The following GLIS3 variants were observed in gnomAD, a reference collection of about 807,000 sequenced individuals.
GLIS3 encodes zinc finger protein GLIS3.
In GLIS3, 53 loss-of-function variants were observed where a neutral mutation model predicts 78.6. The ratio of observed to expected loss-of-function variants is 0.67; its 90% confidence interval spans 0.54 to 0.85. GLIS3 has a LOEUF of 0.85. GLIS3 is among the 40% of genes least tolerant of loss of function. GLIS3 has a pLI of 0.00. For synonymous variants in GLIS3, 684 were observed against 509.9 expected (o/e 1.34, Z -4.60); for missense variants, 1,703 against 1,231.1 (o/e 1.38, Z -5.74).
At chr9:3,962,734 G>A (rs568066253) in intron 4 of GLIS3, among the ~76,000 whole-genome samples, 23 of 152,232 alleles carry the variant, frequency 1.5e-4, no homozygotes, top group South Asian at 4.2e-4. Flanking sequence ...AATTTCATGG[G>A]AGTCACAGAT....
chr9:3,927,780 A>G (rs1022948797), intron 6 of GLIS3, among the ~76,000 whole-genome samples: 5 of 152,368 alleles, frequency 3.3e-5, no homozygotes, highest in African/African-American at 1.2e-4. Context: ...TGCTCTGGAA[A>G]GCATAGCTGG....
chr9:4,110,317 G>C (rs546192669), intron 4 of GLIS3, among the ~76,000 whole-genome samples: 1 of 152,246 alleles, frequency 6.6e-6, no homozygotes, highest in South Asian at 2.1e-4. Flanking sequence ...TAATTGTAGA[G>C]CATTAGGGTA....
the GLIS3 span, among the ~76,000 whole-genome samples, chr9:4,401,737 G>T: frequency 6.6e-6 from 1 of 151,514 alleles, no homozygotes; most frequent in Non-Finnish European, 1.5e-5. Context: ...GACTACAGGT[G>T]CATGCTACCA....
At chr9:4,198,876 C>T (rs188357215) in intron 2 of GLIS3, among the ~76,000 whole-genome samples, 1 of 152,176 alleles carries the variant, frequency 6.6e-6, no homozygotes, top group African/African-American at 2.4e-5. Flanking sequence ...CAGCAGAAAC[C>T]TTATAAGCCA....
chr9:4,243,310 G>C (rs114188158), intron 2 of GLIS3, among the ~76,000 whole-genome samples: 1,586 of 152,204 alleles, frequency 0.01, 27 homozygotes, highest in African/African-American at 0.036. Flanking sequence ...TGAGGTGAGA[G>C]GGTATCAAAA....
chr9:3,858,383 C>T (rs972946401), intron 8 of GLIS3, among the ~76,000 whole-genome samples: 2 of 152,102 alleles, frequency 1.3e-5, no homozygotes, highest in African/African-American at 2.4e-5. Context: ...GGGCCATGCT[C>T]TCTTGACTAC....
intron 2 of GLIS3, among the ~76,000 whole-genome samples, chr9:4,189,306 T>G (rs1295997628): frequency 3.3e-5 from 5 of 152,150 alleles, no homozygotes; most frequent in Non-Finnish European, 7.3e-5. Flanking sequence ...AGCTGAGCGG[T>G]TTTGAGTGAG....
intron 2 of GLIS3, among the ~76,000 whole-genome samples, chr9:4,208,461 G>C (rs1425894495): frequency 1.3e-5 from 2 of 152,192 alleles, no homozygotes; most frequent in Admixed American, 6.5e-5. Context: ...AGAATATAAA[G>C]TCATGCTAAG....
At chr9:4,185,023 G>C (rs1817656708) in intron 2 of GLIS3, among the ~76,000 whole-genome samples, 1 of 152,178 alleles carries the variant, frequency 6.6e-6, no homozygotes, top group South Asian at 2.1e-4. Flanking sequence ...AACTTATCAA[G>C]TTGTATAACT....
chr9:3,995,787 TGAA>T (rs758622669), intron 4 of GLIS3, among the ~76,000 whole-genome samples: 1 of 151,960 alleles, frequency 6.6e-6, no homozygotes, highest in Non-Finnish European at 1.5e-5. Flanking sequence ...GAAAAAAATA[TGAA>T]GGACAGTTTA....
intron 6 of GLIS3, among the ~76,000 whole-genome samples, chr9:3,900,311 C>G (rs1050600187): frequency 6.7e-6 from 1 of 149,580 alleles, no homozygotes; most frequent in Non-Finnish European, 1.5e-5. Context: ...TAAAAAAAAA[C>G]AGTAATGAAG....
At chr9:4,092,627 T>A (rs1829617941) in intron 4 of GLIS3, among the ~76,000 whole-genome samples, 1 of 152,176 alleles carries the variant, frequency 6.6e-6, no homozygotes, top group African/African-American at 2.4e-5. Flanking sequence ...TCAATATCAC[T>A]GTCTTCCACC....
chr9:4,207,966 T>C (rs1820030964), intron 2 of GLIS3, among the ~76,000 whole-genome samples: 1 of 152,162 alleles, frequency 6.6e-6, no homozygotes. Flanking sequence ...GGAACCACGT[T>C]GGGGGTAGCG....
chr9:4,143,353 G>A (rs1402876105), intron 2 of GLIS3, among the ~76,000 whole-genome samples: 1 of 151,960 alleles, frequency 6.6e-6, no homozygotes, highest in Non-Finnish European at 1.5e-5. Flanking sequence ...GATCACCCGA[G>A]GTCAGGAGTT....
intron 4 of GLIS3, among the ~76,000 whole-genome samples, chr9:4,012,175 A>G (rs950683591): frequency 1.1e-4 from 17 of 152,214 alleles, no homozygotes; most frequent in Non-Finnish European, 2.1e-4. Context: ...ATACCTACTC[A>G]TTAGGCTGCA....
intron 2 of GLIS3, among the ~76,000 whole-genome samples, chr9:4,284,405 G>A (rs1040326831): frequency 2.5e-4 from 38 of 152,118 alleles, no homozygotes; most frequent in Admixed American, 1.6e-3. Flanking sequence ...AGGCTTTATC[G>A]GGCCTCAACC....
intron 4 of GLIS3, among the ~76,000 whole-genome samples, chr9:3,940,895 A>G (rs1297671393): frequency 6.6e-6 from 1 of 152,196 alleles, no homozygotes; most frequent in Admixed American, 6.5e-5. Context: ...AGCAAGGTCA[A>G]CGTGTACGGC....
chr9:4,220,576 A>G (rs1165326808), intron 2 of GLIS3, among the ~76,000 whole-genome samples: 1 of 152,108 alleles, frequency 6.6e-6, no homozygotes, highest in Non-Finnish European at 1.5e-5. Context: ...CAACATCAAC[A>G]AAGTAAGTGG....
chr9:4,399,913 G>C, the GLIS3 span, among the ~76,000 whole-genome samples: 1 of 152,208 alleles, frequency 6.6e-6, no homozygotes, highest in Non-Finnish European at 1.5e-5. Context: ...GTGAGGGCCA[G>C]AGGTGAGATA....
Sources: allele counts gnomAD v4.1 joint callset (sites outside exome capture counted in the v4.1 genomes callset), GRCh38; gene constraint gnomAD v4.1.1; transcripts MANE v1.5; gene names NCBI Gene and HGNC (gene_info 2026-07-23, HGNC 2026-07-21).